MBD2: variants seen among roughly 807,000 people sequenced by gnomAD.
MBD2 encodes methyl-CpG binding domain protein 2.
A neutral mutation model predicts 39.3 loss-of-function variants in MBD2; 9 were observed. That is an observed-to-expected ratio of 0.23 (90% CI 0.14 to 0.40). The LOEUF (loss-of-function observed/expected upper bound fraction) is 0.40. MBD2 is among the 10% of genes least tolerant of loss of function. The probability of loss-of-function intolerance (pLI) is 1.00; values close to 1 mark genes in which losing one functional copy is unlikely to be tolerated. For missense variants in MBD2, 458 were observed against 532.6 expected, an observed-to-expected ratio of 0.86 and a Z score of 1.38; for synonymous variants, 233 against 211.1, an observed-to-expected ratio of 1.10 and a Z score of -0.90.
At chr18:54,188,822 A>T in intron 3 of MBD2, 52 bp downstream of exon 3, 1 of 1,529,962 alleles carries the variant, frequency 6.5e-7, no homozygotes, top group Non-Finnish European at 8.9e-7. Flanking sequence ...TTCTGGTAAA[A>T]ATACCAGCAT....
Position 54,153,059 on chromosome 18 carries a change from G to A in MBD2, c.*2265C>T, listed in dbSNP as rs918974206. On this transcript the variant is annotated 3_prime_UTR_variant, in exon 7 of 7. Transcript: ENST00000256429. ...TGACTATGTGGAGGGATGGAGAGAG[G>A]GAAGGGGAAGAAAGTGGACAGGTGA... 2 of 152,276 alleles carry A rather than the reference G, an allele frequency of 1.3e-5. No individual in the cohort carries two copies. Among genetic ancestry groups the A allele is most frequent in the Non-Finnish European group, 2.9e-5 (2 of 68,096 alleles). 9.4% of individuals were successfully genotyped at this position (152,276 alleles called of 1,614,324 possible).
chr18:54,223,933 CAG>C, intron 1 of MBD2, 83 bp downstream of exon 1: 1 of 1,209,250 alleles, frequency 8.3e-7, no homozygotes. Context: ...CCCCGGGCCC[CAG>C]CGCTCATCCT....
At chr18:54,159,639 G>C in intron 6 of MBD2, 126 bp downstream of exon 6, 2 of 969,188 alleles carry the variant, frequency 2.1e-6, no homozygotes, top group East Asian at 2.4e-5. Context: ...AGCTGGTCTC[G>C]AACTACTGAG....
At chr18:54,157,957 A>G (rs968695358) in intron 6 of MBD2, among the ~76,000 whole-genome samples, 12 of 152,136 alleles carry the variant, frequency 7.9e-5, no homozygotes, top group Admixed American at 7.9e-4. Context: ...AGCCACCATC[A>G]TCTCTTGCGA....
At position 54,165,704 on chromosome 18, in the gene MBD2, A is replaced by G. The variant is rs369314464; in HGVS notation, c.931+372T>C. Among the ~76,000 whole-genome samples the G allele has an allele frequency of 3.3e-5, 5 of 152,272 alleles. No homozygotes were observed. In the East Asian group the frequency reaches 9.6e-4, roughly 29 times the overall value. On this transcript the variant is annotated intron_variant, in intron 4 of 6. Transcript: ENST00000256429. ...GTTCTTTTGGGAAGAGGATGAGAGA[A>G]AGAGCAGGTGGTAGGGCCAGATGTT... is the stretch of plus-strand genomic sequence containing the variant.
At chr18:54,189,435 G>A (rs1599091782) in intron 2 of MBD2, among the ~76,000 whole-genome samples, 1 of 151,712 alleles carries the variant, frequency 6.6e-6, no homozygotes, top group East Asian at 1.9e-4. Context: ...TGTTAGCCAG[G>A]ATGGTCTCGA....
chr18:54,222,450 T>C (rs2086623626), intron 1 of MBD2: 2 of 480,886 alleles, frequency 4.2e-6, no homozygotes, highest in Admixed American at 4.6e-5. Context: ...TATTTAATGA[T>C]GAGGAAATAC....
At chr18:54,203,049 G>A in intron 2 of MBD2, 1 of 1,387,466 alleles carries the variant, frequency 7.2e-7, no homozygotes. Context: ...GTATGAGCAA[G>A]CAGAGTCTTG....
chr18:54,186,461 T>C (rs1169646678), intron 3 of MBD2, among the ~76,000 whole-genome samples: 1 of 152,150 alleles, frequency 6.6e-6, no homozygotes, highest in Non-Finnish European at 1.5e-5. Context: ...TCATCTACCA[T>C]ATGTATATCA....
intron 3 of MBD2, among the ~76,000 whole-genome samples, chr18:54,179,800 A>T (rs1444930413): frequency 6.6e-6 from 1 of 152,194 alleles, no homozygotes; most frequent in Admixed American, 6.5e-5. Flanking sequence ...AACATTAAAA[A>T]TGTTCCCTGA....
chr18:54,171,876 A>T (rs2086181773), intron 3 of MBD2, among the ~76,000 whole-genome samples: 1 of 152,244 alleles, frequency 6.6e-6, no homozygotes, highest in South Asian at 2.1e-4. Context: ...TTACACAATT[A>T]ATCAGTGGTG....
intron 3 of MBD2, among the ~76,000 whole-genome samples, chr18:54,170,047 A>C (rs1242764544): frequency 6.6e-6 from 1 of 152,226 alleles, no homozygotes. Flanking sequence ...ATTAAAAGTC[A>C]CTTAAAGCCA....
intron 5 of MBD2, among the ~76,000 whole-genome samples, chr18:54,163,433 CTATAA>C (rs1352906565): frequency 6.6e-6 from 1 of 152,030 alleles, no homozygotes; most frequent in Non-Finnish European, 1.5e-5. Context: ...TTTTAATATA[CTATAA>C]TATAATATAA....
intron 3 of MBD2, among the ~76,000 whole-genome samples, chr18:54,169,266 G>A (rs1599079028): frequency 1.3e-5 from 2 of 151,888 alleles, no homozygotes; most frequent in African/African-American, 4.8e-5. Flanking sequence ...GTGCACTATC[G>A]CCCTTTCCCA....
At chr18:54,170,966 T>TG (rs1297657736) in intron 3 of MBD2, among the ~76,000 whole-genome samples, 3 of 152,136 alleles carry the variant, frequency 2.0e-5, no homozygotes, top group African/African-American at 7.2e-5. Context: ...ATTTTAAAAA[T>TG]ATATTCCAAG....
chr18:54,160,096 G>C, intron 5 of MBD2, 193 bp from the exon 6 acceptor site: 1 of 560,992 alleles, frequency 1.8e-6, no homozygotes, highest in Non-Finnish European at 3.1e-6. Flanking sequence ...AAAGAGGAAT[G>C]TTCACAGAGG....
chr18:54,202,494 T>C (rs2086415526), intron 2 of MBD2, among the ~76,000 whole-genome samples: 1 of 152,212 alleles, frequency 6.6e-6, no homozygotes. Flanking sequence ...GCCACAAATA[T>C]ATTTTCTGCT....
At position 54,155,309 on chromosome 18, in the gene MBD2, T is replaced by C. The variant is rs1302060569; in HGVS notation, c.*15A>G. On this transcript the variant is annotated splice_region_variant and 3_prime_UTR_variant, in exon 7 of 7. Coordinates refer to ENST00000256429, the MANE Select transcript of MBD2 (RefSeq NM_003927.5). ...CTCTTGGGGAAAGTCGGTCGAAAGT[T>C]ACCTGTTAAAAAAAAAAAAAAAAGA... 1.5e-5 allele frequency: 2 copies of C among 135,242 alleles called. No individual in the cohort carries two copies. The highest frequency in any genetic ancestry group is 3.1e-5 in the Non-Finnish European group (2 of 63,550). 8.4% of individuals were successfully genotyped at this position (135,242 alleles called of 1,614,324 possible).
chr18:54,205,459 T>G (rs1362555725), intron 1 of MBD2, among the ~76,000 whole-genome samples: 1 of 151,648 alleles, frequency 6.6e-6, no homozygotes, highest in Non-Finnish European at 1.5e-5. Flanking sequence ...GGCATGGTGG[T>G]GGGCGCCTGT....
Sources: allele counts gnomAD v4.1 joint callset (sites outside exome capture counted in the v4.1 genomes callset), GRCh38; gene constraint gnomAD v4.1.1; transcripts MANE v1.5; gene names NCBI Gene and HGNC (gene_info 2026-07-23, HGNC 2026-07-21).